EFCAB6: variants seen among roughly 807,000 people sequenced by gnomAD.
EFCAB6 encodes the protein EF-hand calcium binding domain 6, also known as EF-hand calcium-binding domain-containing protein 6.
Under a neutral mutation model 169.8 loss-of-function variants are expected in EFCAB6, and 156 were observed. That is an observed-to-expected ratio of 0.92 (90% confidence interval 0.81 to 1.05). The LOEUF is 1.05. Among genes scored for constraint, EFCAB6 ranks in the 50% least tolerant of loss-of-function variants. The pLI is 0.00. For missense variants in EFCAB6, 1,800 were observed against 1,829.1 expected (o/e 0.98, Z 0.29); for synonymous variants, 698 against 676.4 (o/e 1.03, Z -0.50).
chr22:43,636,273 G>A (rs1206387984), intron 17 of EFCAB6, among the ~76,000 whole-genome samples: 1 of 152,194 alleles, frequency 6.6e-6, no homozygotes, highest in East Asian at 1.9e-4. Flanking sequence ...GCCAGAGTAA[G>A]TTCCAGGTGG....
At chr22:43,741,422 A>G (rs988825106) in intron 6 of EFCAB6, among the ~76,000 whole-genome samples, 1 of 152,108 alleles carries the variant, frequency 6.6e-6, no homozygotes, top group African/African-American at 2.4e-5. Flanking sequence ...GCCTTCGTTC[A>G]GGTCTCCATC....
chr22:43,717,118 G>C (rs1425951248), intron 8 of EFCAB6, 146 bp from the exon 9 acceptor site: 2 of 1,072,632 alleles, frequency 1.9e-6, no homozygotes, highest in East Asian at 6.1e-5. Flanking sequence ...TAATGGTGTT[G>C]AAATAACTGG....
At chr22:43,684,521 T>C (rs1249173928) in intron 11 of EFCAB6, among the ~76,000 whole-genome samples, 1 of 152,166 alleles carries the variant, frequency 6.6e-6, no homozygotes, top group African/African-American at 2.4e-5. Flanking sequence ...GTGCTTCTCT[T>C]TTCTGATGTT....
intron 26 of EFCAB6, among the ~76,000 whole-genome samples, chr22:43,564,283 A>T (rs1466669902): frequency 6.6e-6 from 1 of 150,664 alleles, no homozygotes; most frequent in East Asian, 1.9e-4. Flanking sequence ...CCCCATCTCT[A>T]CAAAAAATAC....
At chr22:43,546,391 G>T (rs943092761) in intron 27 of EFCAB6, among the ~76,000 whole-genome samples, 2 of 152,074 alleles carry the variant, frequency 1.3e-5, no homozygotes, top group Admixed American at 1.3e-4. Flanking sequence ...TGGTTTCGTG[G>T]GTCCTACACA....
At chr22:43,750,163 T>C (rs2060706586) in intron 6 of EFCAB6, among the ~76,000 whole-genome samples, 1 of 152,160 alleles carries the variant, frequency 6.6e-6, no homozygotes, top group African/African-American at 2.4e-5. Flanking sequence ...CAAATTCTGA[T>C]ATTGCAGAAT....
intron 10 of EFCAB6, among the ~76,000 whole-genome samples, chr22:43,690,437 AC>A: frequency 6.6e-6 from 1 of 150,902 alleles, no homozygotes; most frequent in East Asian, 2.0e-4. Flanking sequence ...AATGGCGTGA[AC>A]CCAGGAGGCG....
chr22:43,591,508 T>A (rs202031125), intron 23 of EFCAB6, among the ~76,000 whole-genome samples: 1 of 8 alleles, frequency 0.12, no homozygotes, highest in Non-Finnish European at 0.25. Context: ...CCACGTGGTG[T>A]TGAATCAATG....
intron 24 of EFCAB6, among the ~76,000 whole-genome samples, chr22:43,582,899 C>A (rs2050822889): frequency 6.6e-6 from 1 of 152,184 alleles, no homozygotes; most frequent in Non-Finnish European, 1.5e-5. Flanking sequence ...CTACTGCAAA[C>A]AACTACCTTT....
At chr22:43,544,399 G>A (rs915848404) in intron 27 of EFCAB6, among the ~76,000 whole-genome samples, 10 of 152,182 alleles carry the variant, frequency 6.6e-5, no homozygotes, top group African/African-American at 2.4e-4. Context: ...GAACTACAGA[G>A]GCTGGGCAGC....
At chr22:43,540,991 A>G (rs2047684034) in intron 27 of EFCAB6, among the ~76,000 whole-genome samples, 2 of 152,316 alleles carry the variant, frequency 1.3e-5, no homozygotes, top group East Asian at 1.9e-4. Context: ...GAATGACTCA[A>G]TGCATCCTAA....
At chr22:43,764,494 G>A (rs949782327) in intron 5 of EFCAB6, among the ~76,000 whole-genome samples, 4 of 152,112 alleles carry the variant, frequency 2.6e-5, no homozygotes, top group Admixed American at 6.5e-5. Flanking sequence ...CTAGTGCTGC[G>A]ATGAACATAT....
At chr22:43,579,227 C>G (rs1429443970) in intron 25 of EFCAB6, among the ~76,000 whole-genome samples, 1 of 151,052 alleles carries the variant, frequency 6.6e-6, no homozygotes, top group Non-Finnish European at 1.5e-5. Context: ...TCCCTACATG[C>G]AGGCATCATA....
chr22:43,563,223 G>A (rs956649024), intron 26 of EFCAB6, among the ~76,000 whole-genome samples: 2 of 152,134 alleles, frequency 1.3e-5, no homozygotes, highest in Non-Finnish European at 1.5e-5. Flanking sequence ...TAAACCCAGG[G>A]CTCAGGCTGC....
chr22:43,633,849 T>C (rs973257197), intron 18 of EFCAB6, among the ~76,000 whole-genome samples: 27 of 152,264 alleles, frequency 1.8e-4, no homozygotes, highest in African/African-American at 6.5e-4. Context: ...TCTGGTTCCT[T>C]ACTGCCTGGC....
chr22:43,733,975 G>A (rs2147648555), intron 7 of EFCAB6, among the ~76,000 whole-genome samples: 1 of 152,184 alleles, frequency 6.6e-6, no homozygotes, highest in African/African-American at 2.4e-5. Context: ...CCAAAGTGCT[G>A]GGATTACAAG....
At chr22:43,667,350 C>T in intron 16 of EFCAB6, 78 bp from the exon 17 acceptor site, 1 of 1,516,420 alleles carries the variant, frequency 6.6e-7, no homozygotes, top group South Asian at 1.2e-5. Context: ...CACCCATTTC[C>T]ATGTAACCCA....
chr22:43,694,863 A>G (rs1407236429), intron 10 of EFCAB6, among the ~76,000 whole-genome samples: 1 of 152,042 alleles, frequency 6.6e-6, no homozygotes, highest in South Asian at 2.1e-4. Flanking sequence ...TATCACACTC[A>G]ATGGTGTAAA....
At chr22:43,560,464 C>T (rs957149882) in intron 26 of EFCAB6, among the ~76,000 whole-genome samples, 1 of 152,150 alleles carries the variant, frequency 6.6e-6, no homozygotes, top group African/African-American at 2.4e-5. Context: ...CATCATAAGA[C>T]CTGTTTGTTA....
Sources: gnomAD v4.1 joint callset for allele counts (sites outside exome capture counted in the v4.1 genomes callset) on GRCh38, gnomAD v4.1.1 for gene constraint, MANE v1.5 for transcripts, NCBI Gene and HGNC (gene_info 2026-07-23, HGNC 2026-07-21) for gene names.